The following ST7 variants were observed in gnomAD, a reference collection of about 807,000 sequenced individuals.
The protein encoded by ST7 is suppressor of tumorigenicity 7 protein.
A neutral mutation model predicts 78.7 loss-of-function variants in ST7; 28 were observed. The ratio of observed to expected loss-of-function variants is 0.36; its 90% CI spans 0.26 to 0.49. ST7 has a LOEUF of 0.49. Among genes scored for constraint, ST7 ranks in the 20% least tolerant of loss-of-function variants. The pLI is 0.99. For missense variants in ST7, 418 were observed against 696.0 expected (o/e 0.60, Z 4.49); for synonymous variants, 247 against 249.6 (o/e 0.99, Z 0.10).
At chr7:117,173,694 TG>T (rs1808164430) in intron 10 of ST7, 1 of 152,200 alleles carries the variant, frequency 6.6e-6, no homozygotes, top group Non-Finnish European at 1.5e-5. Flanking sequence ...CATCCCTCTC[TG>T]TAGAGCCACA....
chr7:117,161,242 TTGAAGAA>T (rs1807118441), intron 9 of ST7, among the ~76,000 whole-genome samples: 1 of 152,120 alleles, frequency 6.6e-6, no homozygotes, highest in South Asian at 2.1e-4. Context: ...TCTTTATGAC[TTGAAGAA>T]TTACATATGA....
rs778924909 is a variant in ST7 at position 117,119,583 on chromosome 7, G to A, written c.257G>A (p.Arg86His). Reference protein sequence around the residue: ...LILIFEWWYFRKYGTSFIEQV... With the variant: ...LILIFEWWYFHKYGTSFIEQV... ...TAGATATTTGAATGGTGGTATTTTC[G>A]CAAATACGGAACTTCATTCATTGAA... The change falls in exon 3 of 16, where the codon CGC becomes CAC. Residue 86 changes from arginine (R) to histidine (H), a missense_variant. Around this residue, in one of 4 missense-constraint regions of ST7, gnomAD observed 23 missense variants for 67.7 expected, o/e 0.34. Coordinates refer to ENST00000323984, the MANE Select transcript of ST7 (RefSeq NM_001369598.1). 3 of 1,611,578 alleles carry A rather than the reference G, an allele frequency of 1.9e-6. No individual in the cohort carries two copies. The highest frequency in any genetic ancestry group is 2.2e-5 in the East Asian group (1 of 44,814).
intron 1 of ST7, among the ~76,000 whole-genome samples, chr7:117,010,188 G>A (rs1795331434): frequency 6.6e-6 from 1 of 152,184 alleles, no homozygotes; most frequent in African/African-American, 2.4e-5. Flanking sequence ...TGGAGAATGT[G>A]GAGCACTGGT....
chr7:117,136,586 T>C (rs1432810585), intron 8 of ST7: 4 of 462,560 alleles, frequency 8.6e-6, no homozygotes, highest in Non-Finnish European at 1.1e-5. Flanking sequence ...GGAAACAGGA[T>C]TTAAATTAGC....
chr7:116,972,286 G>A (rs377561874), intron 1 of ST7: 10 of 570,946 alleles, frequency 1.8e-5, no homozygotes, highest in South Asian at 4.8e-5. Flanking sequence ...CTTGGCTACC[G>A]ATCTCTCAGC....
intron 1 of ST7, among the ~76,000 whole-genome samples, chr7:117,053,271 C>T (rs1797882357): frequency 2.6e-5 from 4 of 152,148 alleles, no homozygotes; most frequent in Admixed American, 2.0e-4. Context: ...ATGATCAGGG[C>T]ATCAGAACAA....
intron 9 of ST7, among the ~76,000 whole-genome samples, chr7:117,166,179 G>T (rs908343994): frequency 6.6e-6 from 1 of 152,122 alleles, no homozygotes; most frequent in Non-Finnish European, 1.5e-5. Context: ...TAGTATATTA[G>T]TATAATTTAG....
At chr7:117,172,498 G>A (rs1362284776) in intron 10 of ST7, among the ~76,000 whole-genome samples, 1 of 152,176 alleles carries the variant, frequency 6.6e-6, no homozygotes, top group Non-Finnish European at 1.5e-5. Context: ...TTGAGAAACA[G>A]AGAAAAGTAT....
At chr7:117,186,682 T>C (rs545685581) in intron 10 of ST7, among the ~76,000 whole-genome samples, 1 of 152,324 alleles carries the variant, frequency 6.6e-6, no homozygotes, top group South Asian at 2.1e-4. Flanking sequence ...CTTTTAAAAA[T>C]GAATATTAAA....
intron 1 of ST7, among the ~76,000 whole-genome samples, chr7:116,993,201 G>A (rs1267151710): frequency 6.6e-6 from 1 of 152,090 alleles, no homozygotes; most frequent in Non-Finnish European, 1.5e-5. Flanking sequence ...CCACTCTACT[G>A]GCAACAATGT....
chr7:117,039,154 C>A (rs374788842), intron 1 of ST7, among the ~76,000 whole-genome samples: 1 of 152,108 alleles, frequency 6.6e-6, no homozygotes, highest in South Asian at 2.1e-4. Flanking sequence ...AATCTTTGCA[C>A]GTAACCATGC....
chr7:117,206,503 A>G (rs902353883), intron 12 of ST7, among the ~76,000 whole-genome samples: 2 of 152,100 alleles, frequency 1.3e-5, no homozygotes, highest in Admixed American at 6.5e-5. Flanking sequence ...AAGATTGGAG[A>G]GAACTTAGAG....
chr7:117,054,405 C>G (rs754714181), intron 1 of ST7, among the ~76,000 whole-genome samples: 6 of 152,198 alleles, frequency 3.9e-5, no homozygotes, highest in Admixed American at 6.5e-5. Flanking sequence ...AGGAACTGCT[C>G]TTTCTTACTG....
chr7:116,972,179 G>A (rs1190960230), intron 1 of ST7: 1 of 556,284 alleles, frequency 1.8e-6, no homozygotes, highest in Non-Finnish European at 3.5e-6. Context: ...ATCTCATTCA[G>A]GTCAAGCAGA....
intron 13 of ST7, among the ~76,000 whole-genome samples, chr7:117,215,460 G>A (rs1584624184): frequency 6.6e-6 from 1 of 152,210 alleles, no homozygotes; most frequent in Admixed American, 6.5e-5. Flanking sequence ...ATGGGGGAAA[G>A]AGAAACCCAA....
At chr7:117,044,176 T>C (rs754999692) in intron 1 of ST7, among the ~76,000 whole-genome samples, 7 of 152,236 alleles carry the variant, frequency 4.6e-5, no homozygotes, top group Non-Finnish European at 7.3e-5. Context: ...AAGGGGATCA[T>C]TGGCAGTTTT....
intron 2 of ST7, among the ~76,000 whole-genome samples, chr7:117,116,584 C>T (rs1802903767): frequency 6.6e-6 from 1 of 152,168 alleles, no homozygotes; most frequent in Non-Finnish European, 1.5e-5. Context: ...TCCCTTCTTT[C>T]TTTCCTAGTT....
chr7:117,024,604 T>C (rs974368507), intron 1 of ST7, among the ~76,000 whole-genome samples: 11 of 152,206 alleles, frequency 7.2e-5, no homozygotes, highest in African/African-American at 2.4e-4. Flanking sequence ...ATTTTTTGTA[T>C]AGTTATAATA....
intron 1 of ST7, among the ~76,000 whole-genome samples, chr7:117,085,875 C>T (rs984547612): frequency 4.0e-5 from 6 of 151,734 alleles, no homozygotes; most frequent in Admixed American, 2.0e-4. Flanking sequence ...TAAATTAGTG[C>T]CATTCCAATA....
Sources: allele counts gnomAD v4.1 joint callset (sites outside exome capture counted in the v4.1 genomes callset), GRCh38; gene constraint gnomAD v4.1.1; regional missense constraint gnomAD v4.1.1; transcripts MANE v1.5; gene names NCBI Gene and HGNC (gene_info 2026-07-23, HGNC 2026-07-21).